Variants in SLC5A8 observed in about 807,000 individuals in gnomAD.
SLC5A8 encodes the protein solute carrier family 5 member 8.
Under a neutral mutation model 71.9 loss-of-function variants are expected in SLC5A8, and 55 were observed. The ratio of observed to expected loss-of-function variants is 0.77; its 90% CI spans 0.62 to 0.96. The LOEUF is 0.96. SLC5A8 is among the 40% of genes least tolerant of loss of function. The pLI, the probability that SLC5A8 is intolerant of heterozygous loss-of-function variation, is 0.00. For synonymous variants in SLC5A8, 307 were observed against 276.1 expected, an observed-to-expected ratio of 1.11 and a Z score of -1.11; for missense variants, 701 against 745.3, an observed-to-expected ratio of 0.94 and a Z score of 0.69.
At position 101,209,944 on chromosome 12, in the gene SLC5A8, G is replaced by T; in HGVS notation, c.-96C>A. 3 of 1,173,944 alleles carry T rather than the reference G, an allele frequency of 2.6e-6. No individual in the cohort carries two copies. Among genetic ancestry groups the T allele is most frequent in the Non-Finnish European group, 2.3e-6 (2 of 873,956 alleles). The allele number at this position is 1,173,944 out of a possible 1,614,324, so 72.7% of individuals were successfully genotyped here. On this transcript the variant is annotated 5_prime_UTR_variant, in exon 1 of 15. Coordinates refer to ENST00000536262, the MANE Select transcript of SLC5A8 (RefSeq NM_145913.5). ...ACTTCTTATCCCGGATCCCTGGCGC[G>T]CAGGCGTGGCGTCCCGCGGGGACTG... is the stretch of plus-strand genomic sequence containing the variant.
At chr12:101,195,072 A>G in intron 4 of SLC5A8, 23 bp downstream of exon 4, 1 of 1,612,992 alleles carries the variant, frequency 6.2e-7, no homozygotes, top group Non-Finnish European at 8.5e-7. Context: ...TAGAGTGAAA[A>G]GGGAAATATG....
intron 1 of SLC5A8, among the ~76,000 whole-genome samples, chr12:101,206,980 G>C (rs560629564): frequency 1.3e-5 from 2 of 152,310 alleles, no homozygotes; most frequent in African/African-American, 4.8e-5. Context: ...TTTCATACTT[G>C]AGCAAGAATG....
At chr12:101,186,140 A>G (rs1269061588) in intron 7 of SLC5A8, among the ~76,000 whole-genome samples, 2 of 138,492 alleles carry the variant, frequency 1.4e-5, no homozygotes, top group African/African-American at 2.7e-5. Flanking sequence ...ACTTTTTTTT[A>G]AAGTCGTTAT....
intron 10 of SLC5A8, among the ~76,000 whole-genome samples, chr12:101,172,090 T>A (rs2051835243): frequency 1.3e-5 from 2 of 152,082 alleles, no homozygotes; most frequent in Admixed American, 6.5e-5. Context: ...TCCAAAATCG[T>A]GATCTTGAAC....
chr12:101,158,256 A>G lies in SLC5A8; in HGVS notation c.1703T>C (p.Phe568Ser). 6.3e-7 allele frequency: 1 copy of G among 1,582,586 alleles called. No homozygotes were observed. Among genetic ancestry groups the G allele is most frequent in the Non-Finnish European group, 8.6e-7 (1 of 1,156,500 alleles). Reference protein sequence around the residue: ...KEDFLSNFDIFKKKKHVLSYK... With the variant: ...KEDFLSNFDISKKKKHVLSYK... ...AAATGAAAGCCAACTCACTTTCTTA[A>G]AAATATCAAAATTGGATAAAAAGTC... The change falls in exon 14 of 15, where the codon TTT (phenylalanine) becomes TCT (serine). Residue 568 changes from phenylalanine to serine, a missense_variant. By Grantham distance (155) the Phe-to-Ser change is radical (BLOSUM62 -2). Transcript: ENST00000536262.
intron 1 of SLC5A8, among the ~76,000 whole-genome samples, chr12:101,205,389 CTA>C (rs996457984): frequency 3.3e-5 from 5 of 152,056 alleles, no homozygotes; most frequent in Middle Eastern, 3.2e-3. Context: ...TTGAAATCTG[CTA>C]TGTCTTATAA....
At position 101,210,173 on chromosome 12, in the gene SLC5A8, G is replaced by T; in HGVS notation, c.-325C>A. The T allele has an allele frequency of 3.0e-6, 1 of 333,158 alleles. No individual in the cohort carries two copies. Among genetic ancestry groups the T allele is most frequent in the South Asian group, 1.2e-4 (1 of 8,114 alleles). The allele number at this position is 333,158 out of a possible 1,614,324, so 20.6% of individuals were successfully genotyped here. ...AGGCGCCGGGGACACCTGAGCAGATGAGAACTGGAGCCTCCAGCTGCTTCC... is the reference window on the plus strand; with the variant it reads ...AGGCGCCGGGGACACCTGAGCAGATTAGAACTGGAGCCTCCAGCTGCTTCC... On this transcript the variant is annotated 5_prime_UTR_variant, in exon 1 of 15. Transcript: ENST00000536262.
At chr12:101,176,125 C>T (rs2051877848) in intron 10 of SLC5A8, among the ~76,000 whole-genome samples, 1 of 151,926 alleles carries the variant, frequency 6.6e-6, no homozygotes, top group Admixed American at 6.6e-5. Flanking sequence ...AATATAGCAA[C>T]ATAGGTGGTT....
At chr12:101,195,378 A>G (rs1457371672) in intron 3 of SLC5A8, among the ~76,000 whole-genome samples, 1 of 152,166 alleles carries the variant, frequency 6.6e-6, no homozygotes, top group Non-Finnish European at 1.5e-5. Context: ...AGACACACAG[A>G]TCTGACACTG....
intron 13 of SLC5A8, among the ~76,000 whole-genome samples, chr12:101,158,614 A>C (rs1473928136): frequency 3.2e-4 from 38 of 117,270 alleles, no homozygotes; most frequent in Non-Finnish European, 5.1e-4. Flanking sequence ...ATATATATAT[A>C]TATATATATA....
At chr12:101,163,738 A>T (rs1318475699) in intron 12 of SLC5A8, among the ~76,000 whole-genome samples, 1 of 152,252 alleles carries the variant, frequency 6.6e-6, no homozygotes, top group Non-Finnish European at 1.5e-5. Flanking sequence ...AGTTGAGCTA[A>T]TGAAATTAAG....
intron 1 of SLC5A8, among the ~76,000 whole-genome samples, chr12:101,208,130 G>C (rs865996715): frequency 1.3e-5 from 2 of 151,992 alleles, no homozygotes; most frequent in South Asian, 2.1e-4. Context: ...AAGTGAATTT[G>C]GTCTGGGGAA....
intron 10 of SLC5A8, among the ~76,000 whole-genome samples, chr12:101,175,353 G>A (rs890114721): frequency 6.6e-6 from 1 of 152,022 alleles, no homozygotes; most frequent in Non-Finnish European, 1.5e-5. Context: ...CATGTCATGA[G>A]AGTCCCAGAG....
chr12:101,184,063 G>A (rs1481030970), intron 8 of SLC5A8, 71 bp downstream of exon 8: 29 of 1,482,720 alleles, frequency 2.0e-5, no homozygotes, highest in East Asian at 1.6e-4. Flanking sequence ...ACATTATCCC[G>A]CTAAAGTATC....
Position 101,182,861 on chromosome 12 carries a change from G to C in SLC5A8, c.1107C>G (p.Ile369Met). 1 of 1,594,114 alleles carries C rather than the reference G, an allele frequency of 6.3e-7. No homozygotes were observed. The highest frequency in any genetic ancestry group is 1.8e-5 in the Admixed American group (1 of 55,926). ...CTGAGAGCGATCTGAAGTAAGGTTT[G>C]ATTAGATCTTCCACAGTTACTGCTG... ...ALAAVTVEDL[I>M]KPYFRSLSER... The change falls in exon 9 of 15, where the codon ATC becomes ATG. Residue 369 changes from isoleucine (I) to methionine (M), a missense_variant. Ile to Met is a conservative substitution (Grantham distance 10, BLOSUM62 1). Coordinates refer to ENST00000536262, the MANE Select transcript of SLC5A8 (RefSeq NM_145913.5).
intron 8 of SLC5A8, among the ~76,000 whole-genome samples, chr12:101,183,656 GATA>G (rs1470745692): frequency 1.3e-5 from 2 of 152,214 alleles, no homozygotes; most frequent in East Asian, 3.9e-4. Context: ...TGTACATGTT[GATA>G]ATAACAATTC....
chr12:101,205,721 A>C (rs141928364), intron 1 of SLC5A8, among the ~76,000 whole-genome samples: 127 of 152,370 alleles, frequency 8.3e-4, no homozygotes, highest in African/African-American at 3.0e-3. Context: ...TGTTAGAGAC[A>C]AGAACACTGG....
intron 3 of SLC5A8, among the ~76,000 whole-genome samples, chr12:101,195,695 C>CTTTTT (rs11338261): frequency 3.1e-5 from 3 of 97,448 alleles, no homozygotes; most frequent in Non-Finnish European, 3.8e-5. Context: ...ATGGTAATTC[C>CTTTTT]TTTTTTTTTT....
rs184314977 is a variant in SLC5A8 at position 101,157,881 on chromosome 12, A to C, written c.1710+368T>G. Reference sequence around the variant, plus strand: ...ATAGGTTATCAGAGGATAGAGAGAGATAGATATACAACAGGTGTAGCTCAT... The same window carrying C: ...ATAGGTTATCAGAGGATAGAGAGAGCTAGATATACAACAGGTGTAGCTCAT... On this transcript the variant is annotated intron_variant, in intron 14 of 14. Transcript: ENST00000536262. Among the ~76,000 whole-genome samples the C allele has an allele frequency of 4.6e-5, 7 of 152,320 alleles. No homozygotes were observed. The East Asian group carries it at 1.2e-3, about 25-fold the overall frequency.
Sources: allele counts gnomAD v4.1 joint callset (sites outside exome capture counted in the v4.1 genomes callset), GRCh38; gene constraint gnomAD v4.1.1; transcripts MANE v1.5; gene names NCBI Gene and HGNC (gene_info 2026-07-23, HGNC 2026-07-21).